ROBO2: variants seen among roughly 807,000 people sequenced by gnomAD.
ROBO2 encodes the protein roundabout guidance receptor 2, also known as roundabout homolog 2.
In ROBO2, 53 loss-of-function variants were observed where a neutral mutation model predicts 160.8. That is an observed-to-expected ratio of 0.33 (90% confidence interval 0.26 to 0.41). The LOEUF (loss-of-function observed/expected upper bound fraction) is 0.41. Among genes scored for constraint, ROBO2 ranks in the 10% least tolerant of loss-of-function variants. The pLI, the probability that ROBO2 is intolerant of heterozygous loss-of-function variation, is 1.00. For missense variants in ROBO2, 1,577 were observed against 1,722.4 expected, an observed-to-expected ratio of 0.92 and a Z score of 1.49; for synonymous variants, 664 against 611.7, an observed-to-expected ratio of 1.09 and a Z score of -1.26.
At chr3:76,501,075 G>T (rs944001679) in intron 2 of ROBO2, among the ~76,000 whole-genome samples, 1 of 151,972 alleles carries the variant, frequency 6.6e-6, no homozygotes, top group Non-Finnish European at 1.5e-5. Context: ...ATGCCAAAAG[G>T]CTATTATTGC....
chr3:76,966,734 CTAA>C (rs1310518963), intron 2 of ROBO2, among the ~76,000 whole-genome samples: 4 of 152,138 alleles, frequency 2.6e-5, no homozygotes, highest in African/African-American at 9.7e-5. Context: ...TGAAATGAAG[CTAA>C]TAATAGAACT....
At chr3:77,125,410 C>G (rs1437924978) in intron 2 of ROBO2, among the ~76,000 whole-genome samples, 2 of 152,100 alleles carry the variant, frequency 1.3e-5, no homozygotes, top group Non-Finnish European at 2.9e-5. Context: ...TTGTTAATTA[C>G]TTTGCATTTC....
intron 2 of ROBO2, among the ~76,000 whole-genome samples, chr3:76,104,576 G>T (rs1017912823): frequency 6.6e-6 from 1 of 152,264 alleles, no homozygotes; most frequent in East Asian, 1.9e-4. Flanking sequence ...AATTTCTAAT[G>T]AATTCCAATC....
chr3:76,790,530 A>G (rs1410005927), intron 2 of ROBO2, among the ~76,000 whole-genome samples: 2 of 151,726 alleles, frequency 1.3e-5, no homozygotes, highest in Non-Finnish European at 3.0e-5. Flanking sequence ...TGTATTTAAT[A>G]CATCTAACCT....
intron 2 of ROBO2, among the ~76,000 whole-genome samples, chr3:76,090,577 T>C (rs1435660299): frequency 6.6e-6 from 1 of 152,226 alleles, no homozygotes; most frequent in Admixed American, 6.5e-5. Flanking sequence ...AGTTATTCTA[T>C]AGATATCAAC....
chr3:77,577,501 C>T (rs201292239), exon 15 of ROBO2: 3 of 1,613,234 alleles, frequency 1.9e-6, no homozygotes, highest in African/African-American at 1.3e-5. Context: ...CCCAAGTGCC[C>T]CACCACAGTC....
chr3:76,038,556 C>T (rs1176084425), intron 2 of ROBO2, among the ~76,000 whole-genome samples: 1 of 151,902 alleles, frequency 6.6e-6, no homozygotes, highest in African/African-American at 2.4e-5. Context: ...TAGAACTTGG[C>T]CTTTATACAA....
intron 2 of ROBO2, among the ~76,000 whole-genome samples, chr3:76,431,587 T>A (rs1039964577): frequency 2.0e-5 from 3 of 152,090 alleles, no homozygotes; most frequent in Non-Finnish European, 4.4e-5. Flanking sequence ...GTTCCCAAGA[T>A]AATCTTTCGT....
At chr3:76,519,938 G>C (rs1259488757) in intron 2 of ROBO2, among the ~76,000 whole-genome samples, 1 of 152,058 alleles carries the variant, frequency 6.6e-6, no homozygotes, top group Admixed American at 6.6e-5. Flanking sequence ...AAATAAGCAG[G>C]TCAGCCGAAA....
chr3:76,327,602 T>C (rs1220532605), intron 2 of ROBO2, among the ~76,000 whole-genome samples: 2 of 152,342 alleles, frequency 1.3e-5, no homozygotes, highest in East Asian at 3.9e-4. Flanking sequence ...CCTTGGACAC[T>C]AATATGATTA....
chr3:77,202,474 A>T (rs2083006740), intron 2 of ROBO2, among the ~76,000 whole-genome samples: 1 of 152,202 alleles, frequency 6.6e-6, no homozygotes, highest in Non-Finnish European at 1.5e-5. Context: ...CCTTTTCATT[A>T]AAACTTAGGG....
At chr3:77,249,924 T>A (rs987417256) in intron 2 of ROBO2, among the ~76,000 whole-genome samples, 2 of 151,694 alleles carry the variant, frequency 1.3e-5, no homozygotes, top group Admixed American at 1.3e-4. Context: ...ATTTTCCATA[T>A]GTATAAAAGT....
intron 2 of ROBO2, among the ~76,000 whole-genome samples, chr3:77,182,322 C>T (rs143540231): frequency 0.028 from 4,268 of 152,116 alleles, 85 homozygotes; most frequent in Non-Finnish European, 0.045. Flanking sequence ...TGGGGTTAAG[C>T]TGGGACAACA....
At chr3:76,189,652 T>G (rs577305105) in intron 2 of ROBO2, among the ~76,000 whole-genome samples, 1 of 152,228 alleles carries the variant, frequency 6.6e-6, no homozygotes, top group Non-Finnish European at 1.5e-5. Context: ...CTTAATTTTA[T>G]GCCCAACTTA....
At chr3:76,995,967 C>T (rs920230826) in intron 2 of ROBO2, among the ~76,000 whole-genome samples, 19 of 152,084 alleles carry the variant, frequency 1.2e-4, no homozygotes, top group Admixed American at 3.9e-4. Context: ...TAGATCCCAT[C>T]TGTCAATTTT....
intron 2 of ROBO2, among the ~76,000 whole-genome samples, chr3:76,398,244 A>G (rs969451314): frequency 1.4e-5 from 2 of 146,926 alleles, no homozygotes; most frequent in Non-Finnish European, 3.0e-5. Context: ...CAAACACTGC[A>G]TGTTCTCACT....
At chr3:77,118,857 G>A (rs1006938070) in intron 2 of ROBO2, among the ~76,000 whole-genome samples, 5 of 152,148 alleles carry the variant, frequency 3.3e-5, no homozygotes, top group Non-Finnish European at 7.3e-5. Flanking sequence ...ACTATAACGT[G>A]TAGCCTATTG....
intron 2 of ROBO2, among the ~76,000 whole-genome samples, chr3:76,802,735 A>G (rs548670307): frequency 1.3e-5 from 2 of 152,120 alleles, no homozygotes; most frequent in South Asian, 4.1e-4. Context: ...CTCAAAAAAA[A>G]AAAAAAAAAG....
chr3:76,173,514 G>T (rs2073118714), intron 2 of ROBO2, among the ~76,000 whole-genome samples: 1 of 149,150 alleles, frequency 6.7e-6, no homozygotes, highest in South Asian at 2.2e-4. Flanking sequence ...CCCTCCCCTT[G>T]ACCCCCACCC....
Sources: allele counts gnomAD v4.1 joint callset (sites outside exome capture counted in the v4.1 genomes callset), GRCh38; gene constraint gnomAD v4.1.1; transcripts MANE v1.5; gene names NCBI Gene and HGNC (gene_info 2026-07-23, HGNC 2026-07-21).